The following PLEKHH2 variants were observed in gnomAD, a reference collection of about 807,000 sequenced individuals.
PLEKHH2 encodes pleckstrin homology domain-containing family H member 2.
PLEKHH2 carries 129 observed loss-of-function variants against 187.9 expected under a neutral mutation model. The ratio of observed to expected loss-of-function variants is 0.69; its 90% CI spans 0.59 to 0.79. The LOEUF (loss-of-function observed/expected upper bound fraction) is 0.79. PLEKHH2 is among the 30% of genes least tolerant of loss of function. The pLI, the probability that PLEKHH2 is intolerant of heterozygous loss-of-function variation, is 0.00. For missense variants in PLEKHH2, 2,076 were observed against 1,751.2 expected (o/e 1.19, Z -3.31); for synonymous variants, 686 against 605.6 (o/e 1.13, Z -1.95).
intron 2 of PLEKHH2, among the ~76,000 whole-genome samples, chr2:43,663,931 G>GA (rs1321371956): frequency 0.011 from 1,334 of 118,442 alleles, 57 homozygotes; most frequent in African/African-American, 0.041. Context: ...GTGTGGTGCT[G>GA]AAAAAAACAT....
In PLEKHH2 at chr2:43,759,048, G is replaced by C. The variant is rs75724384; in HGVS notation, c.4071+19G>C. Reference sequence around the variant, plus strand: ...TGCAAAAGTAAGAAAGAATGGGAGAGAGATGCATAATGAAAACCTTTGTGT... The same window carrying C: ...TGCAAAAGTAAGAAAGAATGGGAGACAGATGCATAATGAAAACCTTTGTGT... On this transcript the variant is annotated intron_variant, in intron 27 of 29. Coordinates refer to ENST00000282406, the MANE Select transcript of PLEKHH2 (RefSeq NM_172069.4). The C allele has an allele frequency of 2.5e-6, 4 of 1,605,240 alleles. No individual in the cohort carries two copies. The highest frequency in any genetic ancestry group is 3.4e-6 in the Non-Finnish European group (4 of 1,173,222).
At chr2:43,742,623 C>A in intron 21 of PLEKHH2, 118 bp from the exon 22 acceptor site, 1 of 679,068 alleles carries the variant, frequency 1.5e-6, no homozygotes, top group Non-Finnish European at 2.2e-6. Context: ...AAAAAAGTTA[C>A]TGTCAAAATT....
chr2:43,765,878 C>G lies in PLEKHH2; in HGVS notation c.*280C>G, dbSNP rs1207501422. The G allele has an allele frequency of 3.1e-6, 1 of 324,966 alleles. No homozygotes were observed. Among genetic ancestry groups the G allele is most frequent in the Non-Finnish European group, 5.5e-6 (1 of 180,514 alleles). 20.1% of individuals were successfully genotyped at this position (324,966 alleles called of 1,614,324 possible). ...CTCCCTTCTCCCTTGTCATCAGACACATTGTGCAATGTGGCTTTTCTTTTC... is the reference window on the plus strand; with the variant it reads ...CTCCCTTCTCCCTTGTCATCAGACAGATTGTGCAATGTGGCTTTTCTTTTC... On this transcript the variant is annotated 3_prime_UTR_variant, in exon 30 of 30. Coordinates refer to ENST00000282406, the MANE Select transcript of PLEKHH2 (RefSeq NM_172069.4).
intron 3 of PLEKHH2, among the ~76,000 whole-genome samples, chr2:43,687,710 T>C (rs548099142): frequency 5.5e-4 from 84 of 152,328 alleles, no homozygotes; most frequent in African/African-American, 1.9e-3. Flanking sequence ...ATCTCATTAT[T>C]GTTTGATTTG....
At chr2:43,757,038 G>A (rs1572668442) in intron 25 of PLEKHH2, 81 bp from the exon 26 acceptor site, 1 of 1,129,884 alleles carries the variant, frequency 8.9e-7, no homozygotes, top group East Asian at 2.8e-5. Flanking sequence ...AAAAAAGAAT[G>A]TTTAGAAAAA....
intron 2 of PLEKHH2, among the ~76,000 whole-genome samples, chr2:43,647,289 A>G (rs1041238335): frequency 2.0e-5 from 3 of 152,250 alleles, no homozygotes; most frequent in Non-Finnish European, 4.4e-5. Context: ...GTAGTTACTA[A>G]TATTATCCAC....
intron 8 of PLEKHH2, among the ~76,000 whole-genome samples, chr2:43,702,527 C>CTTTTTTTTTTTTTTTTTTT (rs1167078689): frequency 2.8e-4 from 16 of 57,388 alleles, no homozygotes; most frequent in Admixed American, 5.5e-4. Context: ...CATTCTACTA[C>CTTTTTTTTTTTTTTTTTTT]TTTTTTTTTT....
At chr2:43,679,303 A>C (rs1256012780) in intron 3 of PLEKHH2, among the ~76,000 whole-genome samples, 2 of 152,102 alleles carry the variant, frequency 1.3e-5, no homozygotes, top group African/African-American at 4.8e-5. Flanking sequence ...AACTCTATCA[A>C]CTCCATGAAA....
intron 15 of PLEKHH2, among the ~76,000 whole-genome samples, chr2:43,718,023 G>C (rs981930865): frequency 6.6e-6 from 1 of 152,240 alleles, no homozygotes; most frequent in African/African-American, 2.4e-5. Flanking sequence ...ATACCATAGG[G>C]GCTTATGGTT....
chr2:43,713,741 A>G (rs894821684), intron 15 of PLEKHH2, among the ~76,000 whole-genome samples: 2 of 151,696 alleles, frequency 1.3e-5, no homozygotes, highest in South Asian at 4.1e-4. Context: ...CACTTTTTGA[A>G]AAATACAACA....
chr2:43,666,960 A>T (rs913631837), intron 2 of PLEKHH2, among the ~76,000 whole-genome samples: 3 of 152,224 alleles, frequency 2.0e-5, no homozygotes, highest in African/African-American at 7.2e-5. Context: ...GATAGTAAGT[A>T]ATGGCTTAGT....
chr2:43,703,612 G>C (rs564373660), intron 8 of PLEKHH2, among the ~76,000 whole-genome samples: 13 of 152,084 alleles, frequency 8.5e-5, no homozygotes, highest in Non-Finnish European at 1.5e-4. Flanking sequence ...AGCCACTCAT[G>C]GTTTTTCTCC....
chr2:43,638,512 A>T (rs547082575), intron 1 of PLEKHH2, among the ~76,000 whole-genome samples: 2 of 152,330 alleles, frequency 1.3e-5, no homozygotes, highest in Non-Finnish European at 2.9e-5. Flanking sequence ...TTATGTCAGT[A>T]AATACTTCCA....
chr2:43,714,973 G>T (rs886911081), intron 15 of PLEKHH2, among the ~76,000 whole-genome samples: 1 of 152,114 alleles, frequency 6.6e-6, no homozygotes. Flanking sequence ...TAGGCTAGGA[G>T]ACAGCGCGAA....
chr2:43,755,216 T>C (rs1456308772), intron 25 of PLEKHH2, among the ~76,000 whole-genome samples: 1 of 152,120 alleles, frequency 6.6e-6, no homozygotes, highest in Non-Finnish European at 1.5e-5. Context: ...GTCCCTCCTC[T>C]GTGTTCACAT....
chr2:43,743,909 C>T lies in PLEKHH2; in HGVS notation c.3475C>T (p.Pro1159Ser). The change falls in exon 23 of 30, where the codon CCA becomes TCA. Residue 1159 changes from proline (P) to serine (S), a missense_variant. By Grantham distance (74) the Pro-to-Ser change is moderately conservative. Coordinates refer to ENST00000282406, the MANE Select transcript of PLEKHH2 (RefSeq NM_172069.4). Reference sequence around the variant, plus strand: ...GAACCAGGACACAGGAATGAGGAAACCAGCGCAGTCTGGATTTGCGTTGTT... The same window carrying T: ...GAACCAGGACACAGGAATGAGGAAATCAGCGCAGTCTGGATTTGCGTTGTT... ...TLNQDTGMRKPAQSGFALFTD... is the reference protein window; with the variant it reads ...TLNQDTGMRKSAQSGFALFTD... 1.2e-6 allele frequency: 2 copies of T among 1,614,004 alleles called. No individual in the cohort carries two copies. The highest frequency in any genetic ancestry group is 1.3e-5 in the African/African-American group (1 of 74,998).
At chr2:43,675,205 T>A in intron 2 of PLEKHH2, 3 of 450,212 alleles carry the variant, frequency 6.7e-6, no homozygotes, top group Non-Finnish European at 7.7e-6. Flanking sequence ...ATTATTTCAA[T>A]GTGGAGTCAA....
At chr2:43,725,688 T>A (rs187508561) in intron 16 of PLEKHH2, among the ~76,000 whole-genome samples, 20 of 152,378 alleles carry the variant, frequency 1.3e-4, no homozygotes, top group Admixed American at 3.3e-4. Context: ...AGTAGCATCT[T>A]GTTTTTTCCT....
Position 43,707,479 on chromosome 2 carries a change from TC to T in PLEKHH2, c.1903del (p.Arg635GlyfsTer19). 1 of 1,613,996 alleles carries T rather than the reference TC, an allele frequency of 6.2e-7. No homozygotes were observed. Among genetic ancestry groups the T allele is most frequent in the Non-Finnish European group, 8.5e-7 (1 of 1,180,022 alleles). Reference protein sequence around the residue: ...SEEEDSSRSSSRTSESDSRSR... With the variant: ...SEEEDSSRSSXRTSESDSRSR... ...GGAAGAAGACAGCTCCAGATCCAGC[TC>T]CCGGACGTCAGAGTCAGACTCACGC... On this transcript the variant is annotated frameshift_variant, in exon 11 of 30. Coordinates refer to ENST00000282406, the MANE Select transcript of PLEKHH2 (RefSeq NM_172069.4). LOFTEE classifies it high-confidence loss of function.
Sources: gnomAD v4.1 joint callset for allele counts (sites outside exome capture counted in the v4.1 genomes callset) on GRCh38, gnomAD v4.1.1 for gene constraint, MANE v1.5 for transcripts, NCBI Gene and HGNC (gene_info 2026-07-23, HGNC 2026-07-21) for gene names.